The following STXBP5 variants were observed in gnomAD, a reference collection of about 807,000 sequenced individuals.
STXBP5 encodes the protein syntaxin binding protein 5.
STXBP5 carries 50 observed loss-of-function variants against 152.4 expected under a neutral mutation model. That is an observed-to-expected ratio of 0.33 (90% confidence interval 0.26 to 0.42). STXBP5 has a LOEUF of 0.42. STXBP5 is among the 10% of genes least tolerant of loss of function. The pLI is 1.00. For synonymous variants in STXBP5, 492 were observed against 494.7 expected (o/e 0.99, Z 0.07); for missense variants, 1,167 against 1,388.6 (o/e 0.84, Z 2.54).
intron 21 of STXBP5, among the ~76,000 whole-genome samples, chr6:147,344,980 A>G (rs1186555304): frequency 6.6e-6 from 1 of 152,228 alleles, no homozygotes; most frequent in Non-Finnish European, 1.5e-5. Flanking sequence ...AGAACTTGGT[A>G]TAGTCAAGTG....
intron 2 of STXBP5, among the ~76,000 whole-genome samples, chr6:147,223,152 G>T (rs1227882386): frequency 6.6e-6 from 1 of 152,226 alleles, no homozygotes; most frequent in Non-Finnish European, 1.5e-5. Context: ...GAAAAGAGAA[G>T]TTGATATTAA....
intron 10 of STXBP5, among the ~76,000 whole-genome samples, 193 bp downstream of exon 10, chr6:147,310,431 A>T (rs1310303340): frequency 6.6e-6 from 1 of 152,226 alleles, no homozygotes; most frequent in African/African-American, 2.4e-5. Flanking sequence ...GAAGAATAAA[A>T]AAACGCTATT....
intron 19 of STXBP5, among the ~76,000 whole-genome samples, chr6:147,334,841 A>T (rs1783749116): frequency 6.6e-6 from 1 of 152,130 alleles, no homozygotes; most frequent in Non-Finnish European, 1.5e-5. Flanking sequence ...AATCCTTCAT[A>T]AAGTTAATAT....
At chr6:147,314,469 A>G (rs1582930679) in intron 13 of STXBP5, 127 bp from the exon 14 acceptor site, 3 of 1,300,748 alleles carry the variant, frequency 2.3e-6, no homozygotes, top group Non-Finnish European at 3.2e-6. Context: ...ATTCTTAAGA[A>G]CCTGCCAGTT....
At chr6:147,257,661 A>G (rs190443847) in intron 4 of STXBP5, among the ~76,000 whole-genome samples, 3 of 152,218 alleles carry the variant, frequency 2.0e-5, no homozygotes, top group Non-Finnish European at 4.4e-5. Flanking sequence ...TGAAACATAC[A>G]CTGTTTGCAT....
intron 21 of STXBP5, among the ~76,000 whole-genome samples, chr6:147,341,747 A>G (rs1784103899): frequency 6.6e-6 from 1 of 151,922 alleles, no homozygotes; most frequent in South Asian, 2.1e-4. Flanking sequence ...CAAGCATGGG[A>G]AATCAACCAC....
intron 2 of STXBP5, among the ~76,000 whole-genome samples, chr6:147,217,019 T>G (rs1777204316): frequency 6.6e-6 from 1 of 152,200 alleles, no homozygotes; most frequent in South Asian, 2.1e-4. Context: ...AGCTTTTCCT[T>G]GTGAAGTTGT....
In STXBP5 at chr6:147,314,059, T is replaced by C. The variant is rs1782514513; in HGVS notation, c.1293+28T>C. On this transcript the variant is annotated intron_variant, in intron 12 of 27. Coordinates refer to ENST00000321680, the MANE Select transcript of STXBP5 (RefSeq NM_001127715.4). The stretch of plus-strand genomic sequence containing the variant: ...ATTGAACATGAGCTTCAGTATTTAA[T>C]GTTATATTTCTTATTTATTCTATAT... 1.9e-6 allele frequency: 3 copies of C among 1,555,682 alleles called. No individual in the cohort carries two copies. The Middle Eastern group carries it at 5.2e-4, about 269-fold the overall frequency.
intron 16 of STXBP5, among the ~76,000 whole-genome samples, chr6:147,320,087 C>G (rs1040880867): frequency 6.6e-6 from 1 of 151,968 alleles, no homozygotes; most frequent in Non-Finnish European, 1.5e-5. Context: ...CTGCCTGCCT[C>G]GGCCTCCCAA....
chr6:147,377,611 TACAG>T (rs1223119140), intron 26 of STXBP5, among the ~76,000 whole-genome samples: 1 of 152,126 alleles, frequency 6.6e-6, no homozygotes, highest in Non-Finnish European at 1.5e-5. Flanking sequence ...ATTCCTGGCT[TACAG>T]ACAGCCTTCT....
intron 27 of STXBP5, 57 bp from the exon 28 acceptor site, chr6:147,384,657 T>C (rs1450104644): frequency 1.0e-5 from 16 of 1,533,338 alleles, no homozygotes; most frequent in Admixed American, 1.7e-5. Context: ...AAATCACTTA[T>C]AAATGTTATT....
Position 147,368,154 on chromosome 6 carries a change from A to G in STXBP5, c.3081+3988A>G, listed in dbSNP as rs1250239305. On this transcript the variant is annotated intron_variant, in intron 25 of 27. Coordinates refer to ENST00000321680, the MANE Select transcript of STXBP5 (RefSeq NM_001127715.4). ...TTAGGATTGCTTCCCAGCTTATTCT[A>G]TGAAGGAAGCATTAACCTGATAACA... 3.3e-5 allele frequency among the ~76,000 whole-genome samples: 5 copies of G among 152,148 alleles called. No homozygotes were observed. The East Asian group carries it at 7.7e-4, about 23-fold the overall frequency.
At chr6:147,357,914 TG>T (rs1312173001) in intron 22 of STXBP5, among the ~76,000 whole-genome samples, 1 of 152,098 alleles carries the variant, frequency 6.6e-6, no homozygotes, top group African/African-American at 2.4e-5. Context: ...TATTTGGAAA[TG>T]ATGTTCCAAG....
At chr6:147,287,722 G>T (rs1781054048) in intron 8 of STXBP5, among the ~76,000 whole-genome samples, 1 of 152,096 alleles carries the variant, frequency 6.6e-6, no homozygotes, top group Non-Finnish European at 1.5e-5. Flanking sequence ...TGCAAATTAT[G>T]CTGCAGCTAC....
At chr6:147,312,727 A>C (rs563131564) in intron 11 of STXBP5, among the ~76,000 whole-genome samples, 2 of 152,322 alleles carry the variant, frequency 1.3e-5, no homozygotes, top group East Asian at 3.9e-4. Flanking sequence ...TTACTTTAGT[A>C]CCTGCTACTT....
rs140762579 is a variant in STXBP5 at position 147,369,593 on chromosome 6, A to T, written c.3082-4138A>T. 5.7e-4 allele frequency among the ~76,000 whole-genome samples: 86 copies of T among 152,128 alleles called. 2 individuals are homozygous for T. In the East Asian group the frequency reaches 0.016, roughly 28 times the overall value. On this transcript the variant is annotated intron_variant, in intron 25 of 27. Transcript: ENST00000321680. ...AAAGGACTTGTCTCTAGAATATATGAATGACCCTTAAAACTCACCAGAAGG... is the reference window on the plus strand; with the variant it reads ...AAAGGACTTGTCTCTAGAATATATGTATGACCCTTAAAACTCACCAGAAGG...
intron 2 of STXBP5, among the ~76,000 whole-genome samples, chr6:147,230,128 T>C (rs1023335884): frequency 6.6e-6 from 1 of 151,994 alleles, no homozygotes; most frequent in Non-Finnish European, 1.5e-5. Flanking sequence ...GGTTGTGCTC[T>C]GTATTCTAAC....
chr6:147,242,172 A>T (rs935961023), intron 4 of STXBP5, among the ~76,000 whole-genome samples: 43 of 124,564 alleles, frequency 3.5e-4, no homozygotes, highest in African/African-American at 2.5e-4. Context: ...TCTTAGTTTT[A>T]AAAAAAAAAA....
rs916921679 is a variant in STXBP5, at chr6:147,386,519, T to C, written c.*1764T>C. 2.0e-5 allele frequency: 3 copies of C among 151,792 alleles called. No homozygotes were observed. The highest frequency in any genetic ancestry group is 6.6e-5 in the Admixed American group (1 of 15,202). 9.4% of individuals were successfully genotyped at this position (151,792 alleles called of 1,614,324 possible). ...TTTGGTAGGGACTAAATGTGTGTGA[T>C]AGAGATAATTGATCAAGCCAAAAGA... On this transcript the variant is annotated 3_prime_UTR_variant, in exon 28 of 28. Coordinates refer to ENST00000321680, the MANE Select transcript of STXBP5 (RefSeq NM_001127715.4).
Sources: allele counts gnomAD v4.1 joint callset (sites outside exome capture counted in the v4.1 genomes callset), GRCh38; gene constraint gnomAD v4.1.1; transcripts MANE v1.5; gene names NCBI Gene and HGNC (gene_info 2026-07-23, HGNC 2026-07-21).